GALNT14: variants seen among roughly 807,000 people sequenced by gnomAD.
GALNT14 encodes polypeptide N-acetylgalactosaminyltransferase 14.
A neutral mutation model predicts 77.5 loss-of-function variants in GALNT14; 60 were observed. That is an observed-to-expected ratio of 0.77 (90% CI 0.63 to 0.96). The LOEUF is 0.96. GALNT14 is among the 40% of genes least tolerant of loss of function. GALNT14 has a pLI of 0.00. For synonymous variants in GALNT14, 280 were observed against 281.7 expected, an observed-to-expected ratio of 0.99 and a Z score of 0.06; for missense variants, 710 against 731.0, an observed-to-expected ratio of 0.97 and a Z score of 0.33.
At chr2:30,958,759 G>A (rs551500818) in intron 3 of GALNT14, among the ~76,000 whole-genome samples, 1 of 152,226 alleles carries the variant, frequency 6.6e-6, no homozygotes, top group East Asian at 1.9e-4. Flanking sequence ...TGGCTGGTTT[G>A]ACTGGAAAAT....
At chr2:30,935,015 G>A (rs1289359194) in intron 9 of GALNT14, among the ~76,000 whole-genome samples, 1 of 152,150 alleles carries the variant, frequency 6.6e-6, no homozygotes, top group Non-Finnish European at 1.5e-5. Flanking sequence ...ATTTTCTTAT[G>A]TCTGTTGCCT....
At chr2:31,128,303 C>A (rs1558587125) in intron 1 of GALNT14, among the ~76,000 whole-genome samples, 2 of 151,952 alleles carry the variant, frequency 1.3e-5, no homozygotes, top group South Asian at 4.2e-4. Flanking sequence ...TGGCAGGGTG[C>A]CCCCACATTA....
chr2:30,950,616 A>T (rs891524121), intron 6 of GALNT14, among the ~76,000 whole-genome samples: 21 of 152,224 alleles, frequency 1.4e-4, no homozygotes, highest in Non-Finnish European at 2.8e-4. Flanking sequence ...TAAAGGAGTC[A>T]GAGTCTTAGC....
intron 1 of GALNT14, among the ~76,000 whole-genome samples, chr2:31,061,636 C>T (rs1674597328): frequency 6.6e-6 from 1 of 152,118 alleles, no homozygotes; most frequent in African/African-American, 2.4e-5. Flanking sequence ...ACTCTCTGAC[C>T]ACTATCACCT....
At chr2:31,118,613 A>G (rs1175025406) in intron 1 of GALNT14, among the ~76,000 whole-genome samples, 1 of 152,206 alleles carries the variant, frequency 6.6e-6, no homozygotes, top group Non-Finnish European at 1.5e-5. Context: ...GGTGAGCAGT[A>G]AATAATGAAC....
chr2:31,053,196 C>T (rs189517102), intron 1 of GALNT14, among the ~76,000 whole-genome samples: 1 of 152,236 alleles, frequency 6.6e-6, no homozygotes, highest in Non-Finnish European at 1.5e-5. Context: ...CTTCAAGGCC[C>T]GGGACCTGCC....
chr2:30,992,937 C>T lies in GALNT14; in HGVS notation c.200G>A (p.Trp67Ter). 1 of 1,614,162 alleles carries T rather than the reference C, an allele frequency of 6.2e-7. No individual in the cohort carries two copies. The highest frequency in any genetic ancestry group is 2.2e-5 in the East Asian group (1 of 44,870). ...CTTATAGGGGTCGTCACCAACGCGC[C>T]ACTTTTTGGCATTCAGATACCGCCG... The part of the protein sequence containing the change: ...DERRYLNAKK[W>*]RVGDDPYKLY... Residue 67 changes from tryptophan (W) to a stop codon, truncating the protein, a stop_gained, in exon 2 of 15, where the codon TGG becomes TAG. Transcript: ENST00000349752. LOFTEE classifies it high-confidence loss of function.
intron 2 of GALNT14, among the ~76,000 whole-genome samples, chr2:30,981,609 T>A (rs989960406): frequency 6.0e-5 from 9 of 149,658 alleles, no homozygotes; most frequent in African/African-American, 2.2e-4. Flanking sequence ...GGCCCTGGAG[T>A]CCTGTTAGGA....
At chr2:31,058,256 C>G (rs929665582) in intron 1 of GALNT14, among the ~76,000 whole-genome samples, 1 of 152,192 alleles carries the variant, frequency 6.6e-6, no homozygotes, top group Non-Finnish European at 1.5e-5. Flanking sequence ...CTCTCTGAGC[C>G]TCAGCCCCTG....
At position 30,966,385 on chromosome 2, in the gene GALNT14, G is replaced by A. The variant is rs1008050772; in HGVS notation, c.300-83C>T. 5 of 976,762 alleles carry A rather than the reference G, an allele frequency of 5.1e-6. No individual in the cohort carries two copies. In the African/African-American group the frequency reaches 8.0e-5, roughly 16 times the overall value. 60.5% of individuals were successfully genotyped at this position (976,762 alleles called of 1,614,324 possible). ...GGCTAGAACCGAGGGCATCTGGGTG[G>A]GCATCCCTATGCCAGATGCTTGATA... On this transcript the variant is annotated intron_variant, in intron 2 of 14. Transcript: ENST00000349752.
intron 13 of GALNT14, among the ~76,000 whole-genome samples, chr2:30,914,304 G>A (rs145509329): frequency 6.6e-6 from 1 of 152,306 alleles, no homozygotes; most frequent in Non-Finnish European, 1.5e-5. Context: ...TGATGCTGGA[G>A]AGTTAGGGCC....
intron 1 of GALNT14, chr2:31,129,391 T>C: frequency 1.0e-6 from 1 of 985,476 alleles, no homozygotes; most frequent in Non-Finnish European, 1.2e-6. Flanking sequence ...CTTCTTTTCC[T>C]GATTCACCCT....
chr2:30,961,731 G>C (rs1667703167), intron 3 of GALNT14, among the ~76,000 whole-genome samples: 1 of 151,350 alleles, frequency 6.6e-6, no homozygotes, highest in South Asian at 2.1e-4. Context: ...GCCAAGACTG[G>C]AGTGCAATGG....
chr2:31,081,897 G>A (rs1322994402), intron 1 of GALNT14, among the ~76,000 whole-genome samples: 1 of 151,918 alleles, frequency 6.6e-6, no homozygotes, highest in African/African-American at 2.4e-5. Context: ...GATTTTAATC[G>A]AGCCCACCCT....
chr2:31,035,042 G>A (rs1317169193), intron 1 of GALNT14, among the ~76,000 whole-genome samples: 4 of 152,116 alleles, frequency 2.6e-5, no homozygotes, highest in Non-Finnish European at 4.4e-5. Flanking sequence ...AATGTTCCAC[G>A]TACACTTTAG....
At chr2:30,899,335 C>T in the GALNT14 span, among the ~76,000 whole-genome samples, 1 of 152,238 alleles carries the variant, frequency 6.6e-6, no homozygotes, top group South Asian at 2.1e-4. Flanking sequence ...AGGGAAGGCT[C>T]CGCTCTGGGA....
In GALNT14 at chr2:31,138,408, CGCCGCCTTGCCCGCT is replaced by C; in HGVS notation, c.-337_-323del. On this transcript the variant is annotated 5_prime_UTR_variant, in exon 1 of 15. Coordinates refer to ENST00000349752, the MANE Select transcript of GALNT14 (RefSeq NM_024572.4). ...CCACCGCGGCTGCCGCCGCCGCCGC[CGCCGCCTTGCCCGCT>C]GCCGCCGATAGGGAAACTGACTCGA... 2.8e-6 allele frequency: 1 copy of C among 357,182 alleles called. No individual in the cohort carries two copies. The highest frequency in any genetic ancestry group is 5.0e-6 in the Non-Finnish European group (1 of 199,402). The allele number at this position is 357,182 out of a possible 1,614,324, so 22.1% of individuals were successfully genotyped here.
At chr2:30,918,823 G>A (rs1057479983) in intron 13 of GALNT14, among the ~76,000 whole-genome samples, 5 of 135,892 alleles carry the variant, frequency 3.7e-5, no homozygotes, top group East Asian at 4.9e-4. Context: ...TGTGGGCTGG[G>A]AGGGTGGCAT....
chr2:31,097,933 T>C (rs1677081765), intron 1 of GALNT14, among the ~76,000 whole-genome samples: 1 of 152,176 alleles, frequency 6.6e-6, no homozygotes, highest in African/African-American at 2.4e-5. Context: ...ATTTACTAAC[T>C]GCTGAAATGG....
Sources: gnomAD v4.1 joint callset for allele counts (sites outside exome capture counted in the v4.1 genomes callset) on GRCh38, gnomAD v4.1.1 for gene constraint, MANE v1.5 for transcripts, NCBI Gene and HGNC (gene_info 2026-07-23, HGNC 2026-07-21) for gene names.